The following SGPL1 variants were observed in gnomAD, a reference collection of about 807,000 sequenced individuals.
SGPL1 encodes the protein SP-lyase 1.
In SGPL1, 37 loss-of-function variants were observed where a neutral mutation model predicts 68.9. The observed-to-expected ratio is 0.54, with a 90% CI of 0.41 to 0.71. The LOEUF is 0.71. SGPL1 is among the 30% of genes least tolerant of loss of function. The pLI, the probability that SGPL1 is intolerant of heterozygous loss-of-function variation, is 0.00. For missense variants in SGPL1, 551 were observed against 704.6 expected (o/e 0.78, Z 2.47); for synonymous variants, 236 against 248.5 (o/e 0.95, Z 0.47).
At chr10:70,865,143 G>A (rs540556512) in intron 7 of SGPL1, among the ~76,000 whole-genome samples, 4 of 151,972 alleles carry the variant, frequency 2.6e-5, no homozygotes, top group South Asian at 4.2e-4. Flanking sequence ...CTGACTTTGC[G>A]GTACAGTTTC....
chr10:70,879,831 AGAG>A lies in SGPL1; in HGVS notation c.*2498_*2500del, dbSNP rs1488167489. 2 of 152,662 alleles carry A rather than the reference AGAG, an allele frequency of 1.3e-5. No homozygotes were observed. The highest frequency in any genetic ancestry group is 4.8e-5 in the African/African-American group (2 of 41,448). The allele number at this position is 152,662 out of a possible 1,614,324, so 9.5% of individuals were successfully genotyped here. ...GTGCATATAGCAGCTACTCTGTAGC[AGAG>A]GTGGGTAGAGACACTTAATAGTATC... On this transcript the variant is annotated 3_prime_UTR_variant, in exon 15 of 15. Transcript: ENST00000373202.
At chr10:70,832,562 CTG>C (rs962929396) in intron 2 of SGPL1, among the ~76,000 whole-genome samples, 7 of 152,190 alleles carry the variant, frequency 4.6e-5, no homozygotes, top group African/African-American at 1.7e-4. Flanking sequence ...AGACTTCTTT[CTG>C]TGTGAGAAAT....
At chr10:70,831,512 CA>C (rs1275509235) in intron 2 of SGPL1, among the ~76,000 whole-genome samples, 1 of 152,146 alleles carries the variant, frequency 6.6e-6, no homozygotes, top group African/African-American at 2.4e-5. Context: ...GAACAGCTCA[CA>C]GAACTCAGGG....
At chr10:70,835,571 C>G (rs1845613495) in intron 2 of SGPL1, among the ~76,000 whole-genome samples, 1 of 151,892 alleles carries the variant, frequency 6.6e-6, no homozygotes, top group Admixed American at 6.6e-5. Flanking sequence ...CCTGTCTCTA[C>G]TAAAAATACA....
chr10:70,859,849 C>G (rs1473185030), intron 7 of SGPL1, among the ~76,000 whole-genome samples: 1 of 150,024 alleles, frequency 6.7e-6, no homozygotes, highest in Non-Finnish European at 1.5e-5. Context: ...ACCTTAGATT[C>G]ACTAAATGTA....
chr10:70,838,610 G>C (rs1317722476), intron 2 of SGPL1, among the ~76,000 whole-genome samples: 2 of 152,132 alleles, frequency 1.3e-5, no homozygotes, highest in Non-Finnish European at 1.5e-5. Flanking sequence ...ATTAGTGTTA[G>C]CTCCCTCACT....
At chr10:70,847,682 C>G (rs535575684) in intron 3 of SGPL1, among the ~76,000 whole-genome samples, 2 of 152,296 alleles carry the variant, frequency 1.3e-5, no homozygotes, top group African/African-American at 4.8e-5. Context: ...CATACACACA[C>G]AGCACACTTT....
intron 2 of SGPL1, among the ~76,000 whole-genome samples, chr10:70,838,299 C>T (rs546856268): frequency 6.6e-6 from 1 of 152,242 alleles, no homozygotes; most frequent in East Asian, 1.9e-4. Context: ...ATATCACTGC[C>T]TAATTGGTAT....
Position 70,869,896 on chromosome 10 carries a change from G to T in SGPL1, c.809G>T (p.Arg270Leu). ...ACGAAGATGATGGAGGTGGATGTGC[G>T]GGTGAGTCCCTCTGGAGGGCCCACT... ...PLTKMMEVDV[R>L]AMRRAISRNT... The change falls in exon 9 of 15, where the codon CGG (arginine) becomes CTG (leucine). Residue 270 changes from arginine (R) to leucine (L), a missense_variant and splice_region_variant. By Grantham distance (102) the Arg-to-Leu change is moderately radical (BLOSUM62 -2). Transcript: ENST00000373202. The T allele has an allele frequency of 6.2e-7, 1 of 1,613,300 alleles. No homozygotes were observed. The highest frequency in any genetic ancestry group is 8.5e-7 in the Non-Finnish European group (1 of 1,179,442).
intron 2 of SGPL1, among the ~76,000 whole-genome samples, chr10:70,823,563 G>GAA (rs139852875): frequency 1.2e-5 from 1 of 83,466 alleles, no homozygotes; most frequent in Non-Finnish European, 2.4e-5. Flanking sequence ...ACTTTATATT[G>GAA]AAAAAAAAAA....
At chr10:70,816,248 CGGGGCG>C (rs550626056) in intron 1 of SGPL1, 122 bp downstream of exon 1, 9,967 of 34,548 alleles carry the variant, frequency 0.29, 485 homozygotes, top group African/African-American at 0.37. Flanking sequence ...CGGCTGCGGC[CGGGGCG>C]GGGGCGGGGG....
intron 9 of SGPL1, 105 bp downstream of exon 9, chr10:70,870,002 T>C: frequency 1.3e-6 from 1 of 790,934 alleles, no homozygotes; most frequent in Middle Eastern, 3.8e-4. Context: ...TGCCTTTGAT[T>C]GTGGCAGCCA....
chr10:70,844,553 G>A lies in SGPL1; in HGVS notation c.108G>A (p.Lys36=). The A allele has an allele frequency of 6.2e-7, 1 of 1,614,136 alleles. No homozygotes were observed. Among genetic ancestry groups the A allele is most frequent in the Non-Finnish European group, 8.5e-7 (1 of 1,180,002 alleles). Reference sequence around the variant, plus strand: ...ATTATGTAAATGGACATTGCACCAAGTATGAGCCCTGGCAGCTAATTGCAT... The same window carrying A: ...ATTATGTAAATGGACATTGCACCAAATATGAGCCCTGGCAGCTAATTGCAT... ...AKNYVNGHCT[K]YEPWQLIAWS... The change falls in exon 3 of 15, where the codon AAG becomes AAA. Residue 36 remains lysine (K), a synonymous_variant. Coordinates refer to ENST00000373202, the MANE Select transcript of SGPL1 (RefSeq NM_003901.4).
At position 70,880,169 on chromosome 10, in the gene SGPL1, G is replaced by A. The variant is rs1183428851; in HGVS notation, c.*2834G>A. 6.6e-6 allele frequency: 1 copy of A among 152,624 alleles called. No individual in the cohort carries two copies. The highest frequency in any genetic ancestry group is 1.5e-5 in the Non-Finnish European group (1 of 68,042). 9.5% of individuals were successfully genotyped at this position (152,624 alleles called of 1,614,324 possible). ...GGGCACACACGAGATGACAAATGGG[G>A]CAGTGGCCATGCTTGAATGGGCTCC... On this transcript the variant is annotated 3_prime_UTR_variant, in exon 15 of 15. Transcript: ENST00000373202.
rs535358294 is a variant in SGPL1 at position 70,841,934 on chromosome 10, A to G, written c.28-2539A>G. On this transcript the variant is annotated intron_variant, in intron 2 of 14. Transcript: ENST00000373202. ...AACATCATAGTTAACCAGTCTGTCG[A>G]ACTTGAACTTGAAAATTTTGAATGA... Among the ~76,000 whole-genome samples the G allele has an allele frequency of 1.1e-4, 16 of 152,232 alleles. No individual in the cohort carries two copies. The East Asian group carries it at 2.9e-3, about 28-fold the overall frequency.
chr10:70,870,977 G>A (rs982529079), intron 9 of SGPL1, 71 bp from the exon 10 acceptor site: 72 of 1,311,466 alleles, frequency 5.5e-5, no homozygotes, highest in Non-Finnish European at 7.5e-5. Context: ...AGCCCAAATT[G>A]CTCTTGGCAG....
intron 7 of SGPL1, chr10:70,860,329 C>A: frequency 2.2e-6 from 1 of 460,498 alleles, no homozygotes. Context: ...ATAAAGACTG[C>A]AGATTTAATT....
chr10:70,839,619 C>A (rs1221272929), intron 2 of SGPL1, among the ~76,000 whole-genome samples: 1 of 151,972 alleles, frequency 6.6e-6, no homozygotes, highest in Non-Finnish European at 1.5e-5. Context: ...TTGTGGATGA[C>A]CATTCATAGT....
intron 9 of SGPL1, chr10:70,870,124 C>T (rs1254386759): frequency 7.0e-6 from 3 of 426,332 alleles, no homozygotes; most frequent in Non-Finnish European, 1.3e-5. Flanking sequence ...ACTTGAGAGA[C>T]ACTGGTTTTG....
Sources: gnomAD v4.1 joint callset for allele counts (sites outside exome capture counted in the v4.1 genomes callset) on GRCh38, gnomAD v4.1.1 for gene constraint, MANE v1.5 for transcripts, NCBI Gene and HGNC (gene_info 2026-07-23, HGNC 2026-07-21) for gene names.